The following GALNT13 variants were observed in gnomAD, a reference collection of about 807,000 sequenced individuals.
GALNT13 encodes UDP-GalNAc:polypeptide N-acetylgalactosaminyltransferase 13.
A neutral mutation model predicts 64.2 loss-of-function variants in GALNT13; 28 were observed. The ratio of observed to expected loss-of-function variants is 0.44; its 90% CI spans 0.32 to 0.60. The LOEUF (loss-of-function observed/expected upper bound fraction) is 0.60, where lower values mean the gene tolerates loss of function less well. GALNT13 is among the 20% of genes least tolerant of loss of function. The probability of loss-of-function intolerance (pLI) is 0.05; values close to 1 mark genes in which losing one functional copy is unlikely to be tolerated. For synonymous variants in GALNT13, 214 were observed against 224.6 expected (o/e 0.95, Z 0.42); for missense variants, 577 against 669.8 (o/e 0.86, Z 1.53).
At chr2:153,815,477 G>A in the GALNT13 span, among the ~76,000 whole-genome samples, 9 of 152,246 alleles carry the variant, frequency 5.9e-5, no homozygotes, top group South Asian at 2.1e-4. Context: ...AAATATGCAC[G>A]TCTTCAGATA....
chr2:154,100,175 T>A (rs1000255113), intron 3 of GALNT13, among the ~76,000 whole-genome samples: 1 of 152,122 alleles, frequency 6.6e-6, no homozygotes, highest in African/African-American at 2.4e-5. Context: ...TTCTTAAAAT[T>A]TCTTTGGCCA....
intron 8 of GALNT13, among the ~76,000 whole-genome samples, chr2:154,285,762 CA>C (rs1692231097): frequency 1.3e-5 from 2 of 151,992 alleles, no homozygotes; most frequent in Non-Finnish European, 2.9e-5. Flanking sequence ...AATAACATTG[CA>C]ATTTTGATAG....
chr2:153,686,678 T>C, the GALNT13 span, among the ~76,000 whole-genome samples: 1 of 152,036 alleles, frequency 6.6e-6, no homozygotes, highest in South Asian at 2.1e-4. Context: ...CAATACTATG[T>C]TGAATAGGAG....
chr2:154,280,754 A>G (rs1056968141), intron 8 of GALNT13, among the ~76,000 whole-genome samples: 9 of 152,230 alleles, frequency 5.9e-5, no homozygotes, highest in Admixed American at 5.9e-4. Flanking sequence ...GGGCAGCGTC[A>G]CGCAGCTGTC....
the GALNT13 span, among the ~76,000 whole-genome samples, chr2:153,244,892 A>G: frequency 7.2e-5 from 11 of 152,124 alleles, no homozygotes; most frequent in African/African-American, 2.7e-4. Context: ...TGAAATTCTC[A>G]CTGCCAGCAG....
At chr2:154,437,708 A>G (rs935162235) in intron 11 of GALNT13, 2 of 434,780 alleles carry the variant, frequency 4.6e-6, no homozygotes. Flanking sequence ...ACAAAACATT[A>G]GGCCGGCATG....
At chr2:154,223,448 CTTTTT>C (rs61230257) in intron 4 of GALNT13, among the ~76,000 whole-genome samples, 23,001 of 124,002 alleles carry the variant, frequency 0.19, 1,840 homozygotes, top group Middle Eastern at 0.32. Context: ...TTTTCTTTTT[CTTTTT>C]TTTTTTTTTT....
the GALNT13 span, among the ~76,000 whole-genome samples, chr2:153,299,739 G>C: frequency 2.0e-5 from 3 of 152,198 alleles, no homozygotes; most frequent in African/African-American, 7.2e-5. Flanking sequence ...AGCAGACCTT[G>C]AGGGCTGAAT....
chr2:154,176,574 A>G (rs1337766946), intron 4 of GALNT13, among the ~76,000 whole-genome samples: 1 of 152,040 alleles, frequency 6.6e-6, no homozygotes, highest in Non-Finnish European at 1.5e-5. Flanking sequence ...TTTAATTAAT[A>G]AATATTCATT....
chr2:153,347,416 C>T, the GALNT13 span, among the ~76,000 whole-genome samples: 95 of 152,244 alleles, frequency 6.2e-4, no homozygotes, highest in Admixed American at 1.2e-3. Context: ...ACTTAAGTCA[C>T]AAATCCAAAG....
At chr2:153,332,990 T>C in the GALNT13 span, among the ~76,000 whole-genome samples, 103 of 152,260 alleles carry the variant, frequency 6.8e-4, no homozygotes, top group African/African-American at 2.3e-3. Flanking sequence ...AGGCTTGTAA[T>C]AGGGAAGAGC....
chr2:153,741,861 T>A, the GALNT13 span, among the ~76,000 whole-genome samples: 3 of 152,114 alleles, frequency 2.0e-5, no homozygotes, highest in Admixed American at 6.6e-5. Flanking sequence ...AATTGACAGA[T>A]CATAGTTGTA....
intron 4 of GALNT13, among the ~76,000 whole-genome samples, chr2:154,151,653 C>G (rs1396090130): frequency 2.0e-5 from 3 of 152,188 alleles, no homozygotes; most frequent in Admixed American, 6.5e-5. Flanking sequence ...GTTAGCTCTT[C>G]TTGTTGAATT....
At chr2:153,764,226 T>C in the GALNT13 span, among the ~76,000 whole-genome samples, 1 of 152,134 alleles carries the variant, frequency 6.6e-6, no homozygotes, top group Non-Finnish European at 1.5e-5. Flanking sequence ...GAGAAATTTC[T>C]GAGCAGCAAA....
At chr2:153,973,290 T>A (rs2105133439) in intron 3 of GALNT13, among the ~76,000 whole-genome samples, 1 of 152,096 alleles carries the variant, frequency 6.6e-6, no homozygotes, top group African/African-American at 2.4e-5. Context: ...TTGCTTTTGA[T>A]CTCATTAATT....
Position 154,140,899 on chromosome 2 carries a change from T to G in GALNT13, c.311+394T>G, listed in dbSNP as rs186731994. ...ATGTCATTAGGCAATTTTGTCATTG[T>G]GTAAGCATCATAGGTGTACTTACAC... On this transcript the variant is annotated intron_variant, in intron 4 of 12. Coordinates refer to ENST00000392825, the MANE Select transcript of GALNT13 (RefSeq NM_052917.4). 1.1e-3 allele frequency among the ~76,000 whole-genome samples: 172 copies of G among 152,320 alleles called. 1 individual carries two copies. Among genetic ancestry groups the G allele is most frequent in the South Asian group, 3.1e-3 (15 of 4,822 alleles).
intron 9 of GALNT13, among the ~76,000 whole-genome samples, chr2:154,310,018 C>T (rs1213957738): frequency 1.3e-5 from 2 of 152,144 alleles, no homozygotes; most frequent in Non-Finnish European, 2.9e-5. Context: ...ATTGGGTCTC[C>T]AAGCTTAACA....
At chr2:154,400,931 G>GAA (rs34961606) in intron 10 of GALNT13, among the ~76,000 whole-genome samples, 51,691 of 150,512 alleles carry the variant, frequency 0.34, 9,290 homozygotes, top group African/African-American at 0.45. Flanking sequence ...CAGGCTTTCT[G>GAA]AAAAAAAAAT....
At chr2:153,126,292 TTTTGTATA>T in the GALNT13 span, among the ~76,000 whole-genome samples, 2 of 52,932 alleles carry the variant, frequency 3.8e-5, no homozygotes, top group African/African-American at 1.1e-4. Context: ...ACAGTATTGA[TTTTGTATA>T]TATATATATA....
Sources: allele counts gnomAD v4.1 joint callset (sites outside exome capture counted in the v4.1 genomes callset), GRCh38; gene constraint gnomAD v4.1.1; transcripts MANE v1.5; gene names NCBI Gene and HGNC (gene_info 2026-07-23, HGNC 2026-07-21).